The following GHRH variants were observed in gnomAD, a reference collection of about 807,000 sequenced individuals.
GHRH encodes the protein growth hormone releasing hormone.
GHRH carries 7 observed loss-of-function variants against 15.6 expected under a neutral mutation model. That is an observed-to-expected ratio of 0.45 (90% CI 0.26 to 0.84). GHRH has a LOEUF of 0.84. GHRH is among the 40% of genes least tolerant of loss of function. The pLI is 0.18. For synonymous variants in GHRH, 54 were observed against 50.4 expected, an observed-to-expected ratio of 1.07 and a Z score of -0.30; for missense variants, 117 against 138.0, an observed-to-expected ratio of 0.85 and a Z score of 0.76.
chr20:37,253,376 C>G (rs1385979688), intron 4 of GHRH, among the ~76,000 whole-genome samples: 2 of 152,194 alleles, frequency 1.3e-5, no homozygotes, highest in Non-Finnish European at 2.9e-5. Context: ...TTGAACTTGG[C>G]AAGGGAACCA....
intron 3 of GHRH, among the ~76,000 whole-genome samples, chr20:37,255,236 C>T (rs1254688483): frequency 6.6e-6 from 1 of 152,014 alleles, no homozygotes; most frequent in Non-Finnish European, 1.5e-5. Flanking sequence ...TATGGAAGTC[C>T]ATTGTGCTTT....
At chr20:37,260,258 A>G (rs2068680770) in intron 1 of GHRH, among the ~76,000 whole-genome samples, 1 of 152,206 alleles carries the variant, frequency 6.6e-6, no homozygotes, top group Non-Finnish European at 1.5e-5. Flanking sequence ...ATGAGAACCG[A>G]ATCCATGGGT....
At chr20:37,255,932 G>A (rs568124126) in intron 3 of GHRH, among the ~76,000 whole-genome samples, 1 of 152,138 alleles carries the variant, frequency 6.6e-6, no homozygotes, top group Non-Finnish European at 1.5e-5. Flanking sequence ...AGGCTAAGAT[G>A]GGAGGGTCGC....
rs188594275 is a variant in GHRH, at chr20:37,258,313, G to T, written c.-19-1405C>A. 3.5e-4 allele frequency among the ~76,000 whole-genome samples: 49 copies of T among 140,452 alleles called. 2 individuals carry two copies. The East Asian group carries it at 8.2e-3, about 23-fold the overall frequency. 92.1% of individuals were successfully genotyped at this position (140,452 alleles called of 152,430 possible). A position where few individuals can be genotyped will look rare whatever the true frequency, so the allele number is the denominator to read the frequency against. On this transcript the variant is annotated intron_variant, in intron 1 of 4. Transcript: ENST00000373614. This position sits in a 1 kb window ranked among gnomAD's most constrained non-coding sequence, Gnocchi z 4.1. ...TCCATCCAGAAGCCCAGCCAGCCCC[G>T]GAGGTGGCCAGCACCCCCGCCTTTC... is the stretch of plus-strand genomic sequence containing the variant.
intron 4 of GHRH, among the ~76,000 whole-genome samples, chr20:37,251,471 G>A (rs760885061): frequency 1.3e-5 from 2 of 150,908 alleles, no homozygotes; most frequent in African/African-American, 4.9e-5. Flanking sequence ...CAGTCACTTC[G>A]CCTTGAAGAA....
chr20:37,251,319 C>A, intron 4 of GHRH, 88 bp from the exon 5 acceptor site: 1 of 1,067,518 alleles, frequency 9.4e-7, no homozygotes, highest in Non-Finnish European at 1.4e-6. Context: ...ACGGGTGCTC[C>A]CGTGACAGGA....
At chr20:37,252,808 G>T (rs1569011084) in intron 4 of GHRH, among the ~76,000 whole-genome samples, 1 of 152,154 alleles carries the variant, frequency 6.6e-6, no homozygotes, top group Non-Finnish European at 1.5e-5. Flanking sequence ...GGAGGCCAAG[G>T]AGGGTGGATC....
Position 37,258,719 on chromosome 20 carries a change from G to A in GHRH, c.-19-1811C>T, listed in dbSNP as rs2068671919. On this transcript the variant is annotated intron_variant, in intron 1 of 4. Coordinates refer to ENST00000373614, the MANE Select transcript of GHRH (RefSeq NM_021081.6). This position sits in a 1 kb window ranked among gnomAD's most constrained non-coding sequence, Gnocchi z 4.1. ...CAGGGATCTCACTACCCCCAGGCCC[G>A]GGAGCTTATTTCCAGATGGTTCTTT... 6.6e-6 allele frequency among the ~76,000 whole-genome samples: 1 copy of A among 152,050 alleles called. No individual in the cohort carries two copies. Among genetic ancestry groups the A allele is most frequent in the African/African-American group, 2.4e-5 (1 of 41,392 alleles).
intron 1 of GHRH, among the ~76,000 whole-genome samples, chr20:37,260,101 G>C (rs2068679844): frequency 1.3e-5 from 2 of 152,134 alleles, no homozygotes; most frequent in South Asian, 4.1e-4. Context: ...GGCAGACTTT[G>C]GTGGGGAGGG....
chr20:37,251,294 C>T lies in GHRH; in HGVS notation c.309-63G>A, dbSNP rs962133472. 4 of 1,418,216 alleles carry T rather than the reference C, an allele frequency of 2.8e-6. No individual in the cohort carries two copies. In the African/African-American group the frequency reaches 4.3e-5, roughly 15 times the overall value. 87.9% of individuals were successfully genotyped at this position (1,418,216 alleles called of 1,614,324 possible). On this transcript the variant is annotated intron_variant, in intron 4 of 4. Transcript: ENST00000373614. ...AAGTAAGGGTGGCTAGAGTGGGATG[C>T]ATGGAACCAGGGTGACGGGTGCTCC...
chr20:37,257,822 G>A (rs1219831810), intron 1 of GHRH, among the ~76,000 whole-genome samples: 3 of 152,226 alleles, frequency 2.0e-5, no homozygotes, highest in African/African-American at 7.2e-5. Flanking sequence ...ATCTGGTGAG[G>A]TAAGTGCCTG....
At chr20:37,259,334 G>A (rs942508516) in intron 1 of GHRH, among the ~76,000 whole-genome samples, 1 of 152,062 alleles carries the variant, frequency 6.6e-6, no homozygotes, top group South Asian at 2.1e-4. Context: ...ACCATACCAC[G>A]TCTGGTCCCC....
In GHRH at chr20:37,254,348, A is replaced by G. The variant is rs764620174; in HGVS notation, c.189-19T>C. The G allele has an allele frequency of 6.2e-7, 1 of 1,614,090 alleles. No individual in the cohort carries two copies. Among genetic ancestry groups the G allele is most frequent in the Admixed American group, 1.7e-5 (1 of 60,020 alleles). On this transcript the variant is annotated intron_variant, in intron 3 of 4. Coordinates refer to ENST00000373614, the MANE Select transcript of GHRH (RefSeq NM_021081.6). Reference sequence around the variant, plus strand: ...GCTCTCTCTGTGTGGTTAGAAAAAGAGAACTAGTTGCTATTTGGGTAGGAT... The same window carrying G: ...GCTCTCTCTGTGTGGTTAGAAAAAGGGAACTAGTTGCTATTTGGGTAGGAT...
In GHRH at chr20:37,258,027, G is replaced by A. The variant is rs936077906; in HGVS notation, c.-19-1119C>T. Among the ~76,000 whole-genome samples, 1 of 152,206 alleles carries A rather than the reference G, an allele frequency of 6.6e-6. No individual in the cohort carries two copies. The highest frequency in any genetic ancestry group is 1.5e-5 in the Non-Finnish European group (1 of 68,030). ...AGACTGAAGAGCCGGGGGATCCAGT[G>A]TGGCGCAGTCATCTCATAGGTCCTG... On this transcript the variant is annotated intron_variant, in intron 1 of 4. Transcript: ENST00000373614. This position sits in a 1 kb window ranked among gnomAD's most constrained non-coding sequence, Gnocchi z 4.1.
intron 3 of GHRH, among the ~76,000 whole-genome samples, chr20:37,255,960 A>G (rs1335292102): frequency 1.3e-5 from 2 of 152,082 alleles, no homozygotes; most frequent in Non-Finnish European, 2.9e-5. Flanking sequence ...CAGGCATTTG[A>G]GGTTACAATG....
intron 4 of GHRH, 35 bp from the exon 5 acceptor site, chr20:37,251,266 T>G: frequency 6.3e-7 from 1 of 1,590,852 alleles, no homozygotes. Context: ...ATCCGGGGAA[T>G]TGAAGTAAGG....
intron 3 of GHRH, 43 bp downstream of exon 3, chr20:37,256,351 C>T: frequency 7.8e-7 from 1 of 1,288,634 alleles, no homozygotes; most frequent in Non-Finnish European, 1.1e-6. Context: ...CCTGCAGACT[C>T]TGCTGCAGGG....
chr20:37,255,854 A>AC (rs1445422775), intron 3 of GHRH, among the ~76,000 whole-genome samples: 1 of 151,932 alleles, frequency 6.6e-6, no homozygotes, highest in African/African-American at 2.4e-5. Flanking sequence ...AAATAGTGAG[A>AC]CCCCATCTCT....
At chr20:37,260,411 C>A (rs6032492) in intron 1 of GHRH, among the ~76,000 whole-genome samples, 24,927 of 148,254 alleles carry the variant, frequency 0.17, 4,170 homozygotes, top group African/African-American at 0.44. Context: ...AAAAAAAAAA[C>A]ACACAAAACA....
Sources: allele counts gnomAD v4.1 joint callset (sites outside exome capture counted in the v4.1 genomes callset), GRCh38; gene constraint gnomAD v4.1.1; non-coding constraint Gnocchi (gnomAD v3.1); transcripts MANE v1.5; gene names NCBI Gene and HGNC (gene_info 2026-07-23, HGNC 2026-07-21).